The following MAML3 variants were observed in gnomAD, a reference collection of about 807,000 sequenced individuals.
MAML3 encodes the protein mastermind-like protein 3.
In MAML3, 27 loss-of-function variants were observed where a neutral mutation model predicts 101.9. That is an observed-to-expected ratio of 0.27 (90% CI 0.20 to 0.37). MAML3 has a LOEUF of 0.37. Ranked by LOEUF, MAML3 falls within the 10% of genes least tolerant of loss-of-function variation. The pLI is 1.00. For synonymous variants in MAML3, 501 were observed against 555.9 expected (o/e 0.90, Z 1.39); for missense variants, 1,316 against 1,444.9 (o/e 0.91, Z 1.45).
chr4:139,734,499 CCTCTGACTCTT>C (rs1285734911), intron 2 of MAML3, among the ~76,000 whole-genome samples: 2 of 152,196 alleles, frequency 1.3e-5, no homozygotes, highest in Non-Finnish European at 2.9e-5. Flanking sequence ...CTCGCCCAAC[CCTCTGACTCTT>C]CAGTAAAATA....
chr4:140,040,693 TTGCCATATTTA>T (rs1166566715), intron 1 of MAML3, among the ~76,000 whole-genome samples: 1 of 152,230 alleles, frequency 6.6e-6, no homozygotes, highest in African/African-American at 2.4e-5. Context: ...CACAGAGTAA[TTGCCATATTTA>T]TGTCTTTCCT....
chr4:139,903,815 A>G (rs1007736412), intron 1 of MAML3, among the ~76,000 whole-genome samples: 17 of 152,216 alleles, frequency 1.1e-4, no homozygotes, highest in Non-Finnish European at 1.9e-4. Context: ...CAGAGGCTGG[A>G]AAGTCCAAGA....
chr4:139,864,608 G>A (rs774489376), intron 2 of MAML3, among the ~76,000 whole-genome samples: 23 of 145,242 alleles, frequency 1.6e-4, no homozygotes, highest in African/African-American at 4.4e-4. Context: ...CCTGGGAGGC[G>A]GAGGTTGCAG....
chr4:139,909,573 GGTGGCCCGCACCT>G (rs1732880126), intron 1 of MAML3, among the ~76,000 whole-genome samples: 1 of 152,006 alleles, frequency 6.6e-6, no homozygotes, highest in South Asian at 2.1e-4. Context: ...AACCAGGTGC[GGTGGCCCGCACCT>G]GTAATCCCAG....
chr4:140,103,172 A>G (rs1322191375), intron 1 of MAML3, among the ~76,000 whole-genome samples: 1 of 152,190 alleles, frequency 6.6e-6, no homozygotes, highest in African/African-American at 2.4e-5. Context: ...GATAATATAC[A>G]ATTTAATTTT....
At chr4:140,072,222 T>A (rs1428831663) in intron 1 of MAML3, among the ~76,000 whole-genome samples, 3 of 152,208 alleles carry the variant, frequency 2.0e-5, no homozygotes, top group Non-Finnish European at 4.4e-5. Context: ...CAACAGATAT[T>A]CCAAATATTT....
At chr4:140,030,463 G>A (rs1378771066) in intron 1 of MAML3, among the ~76,000 whole-genome samples, 1 of 152,150 alleles carries the variant, frequency 6.6e-6, no homozygotes, top group East Asian at 1.9e-4. Flanking sequence ...ACTGGACAGA[G>A]GAAAATAAGG....
chr4:139,817,066 C>G (rs13140819), intron 2 of MAML3, among the ~76,000 whole-genome samples: 3,213 of 152,254 alleles, frequency 0.021, 63 homozygotes, highest in Middle Eastern at 0.058. Context: ...AAACATACCT[C>G]TGCCATGATG....
chr4:139,998,359 ATT>A (rs1201120892), intron 1 of MAML3, among the ~76,000 whole-genome samples: 1 of 111,526 alleles, frequency 9.0e-6, no homozygotes, highest in African/African-American at 3.3e-5. Flanking sequence ...TTAAAAATAG[ATT>A]TCTGTTTTCT....
At chr4:139,860,042 C>A (rs955116824) in intron 2 of MAML3, among the ~76,000 whole-genome samples, 8 of 152,168 alleles carry the variant, frequency 5.3e-5, no homozygotes, top group Non-Finnish European at 7.4e-5. Flanking sequence ...CGGGCCTCAG[C>A]GAGACGTGCT....
chr4:140,037,999 T>G (rs903289982), intron 1 of MAML3, among the ~76,000 whole-genome samples: 1 of 152,232 alleles, frequency 6.6e-6, no homozygotes, highest in Non-Finnish European at 1.5e-5. Context: ...AATTAGTCAG[T>G]AATGAGAACA....
chr4:139,904,858 A>T (rs1732790438), intron 1 of MAML3, among the ~76,000 whole-genome samples: 1 of 152,260 alleles, frequency 6.6e-6, no homozygotes, highest in Non-Finnish European at 1.5e-5. Context: ...TACTATAGGC[A>T]ACTGTAACAC....
At chr4:140,087,531 T>C (rs1727973694) in intron 1 of MAML3, among the ~76,000 whole-genome samples, 1 of 152,264 alleles carries the variant, frequency 6.6e-6, no homozygotes. Flanking sequence ...TGTGAAATTC[T>C]TTCCTGGATA....
chr4:139,874,223 G>C (rs1732066596), intron 2 of MAML3, among the ~76,000 whole-genome samples: 1 of 151,968 alleles, frequency 6.6e-6, no homozygotes, highest in African/African-American at 2.4e-5. Context: ...GTTAGGAGTG[G>C]GGAGTGGCTA....
intron 1 of MAML3, among the ~76,000 whole-genome samples, chr4:140,120,129 C>G (rs887674516): frequency 2.7e-5 from 4 of 149,470 alleles, no homozygotes; most frequent in Admixed American, 6.7e-5. Context: ...CCCAGCTACT[C>G]GGGAGGCTGA....
At chr4:139,996,701 G>C (rs1379481098) in intron 1 of MAML3, among the ~76,000 whole-genome samples, 1 of 152,030 alleles carries the variant, frequency 6.6e-6, no homozygotes, top group Non-Finnish European at 1.5e-5. Context: ...GTGTGTGTGT[G>C]TGTGTGTTTT....
At chr4:139,966,587 A>T (rs1734134176) in intron 1 of MAML3, among the ~76,000 whole-genome samples, 1 of 152,216 alleles carries the variant, frequency 6.6e-6, no homozygotes, top group Non-Finnish European at 1.5e-5. Context: ...TTAGCCACAG[A>T]AAAGCCTTTT....
Position 140,009,613 on chromosome 4 carries a change from C to CT in MAML3, c.469-118647dup, listed in dbSNP as rs1726515458. Reference sequence around the variant, plus strand: ...TAAACATCACTTCACTAAATTCTCCCTAAGTCAAGGAAACTATTCTGAGCA... The same window carrying CT: ...TAAACATCACTTCACTAAATTCTCCCTTAAGTCAAGGAAACTATTCTGAGCA... On this transcript the variant is annotated intron_variant, in intron 1 of 4. Coordinates refer to ENST00000509479, the MANE Select transcript of MAML3 (RefSeq NM_018717.5). Among the ~76,000 whole-genome samples, 3 of 152,310 alleles carry CT rather than the reference C, an allele frequency of 2.0e-5. No individual in the cohort carries two copies. The East Asian group carries it at 5.8e-4, about 29-fold the overall frequency.
chr4:139,798,034 GAGAA>G (rs60781175), intron 2 of MAML3, among the ~76,000 whole-genome samples: 16,122 of 124,204 alleles, frequency 0.13, 1,096 homozygotes, highest in East Asian at 0.15. Flanking sequence ...AGGAGAGAGA[GAGAA>G]AGAAAGAAAG....
Sources: allele counts gnomAD v4.1 joint callset (sites outside exome capture counted in the v4.1 genomes callset), GRCh38; gene constraint gnomAD v4.1.1; transcripts MANE v1.5; gene names NCBI Gene and HGNC (gene_info 2026-07-23, HGNC 2026-07-21).